DDX4: variants seen among roughly 807,000 people sequenced by gnomAD.
DDX4 encodes the protein DEAD-box helicase 4.
Under a neutral mutation model 100.0 loss-of-function variants are expected in DDX4, and 25 were observed. That is an observed-to-expected ratio of 0.25 (90% CI 0.18 to 0.35). DDX4 has a LOEUF of 0.35. Ranked by LOEUF, DDX4 falls within the 10% of genes least tolerant of loss-of-function variation. The pLI is 1.00. For synonymous variants in DDX4, 259 were observed against 275.7 expected (o/e 0.94, Z 0.60); for missense variants, 635 against 882.4 (o/e 0.72, Z 3.55).
chr5:55,813,802 G>T (rs747877110), intron 19 of DDX4, 30 bp downstream of exon 19: 2 of 1,534,560 alleles, frequency 1.3e-6, no homozygotes, highest in South Asian at 2.6e-5. Context: ...TACCTATTAG[G>T]GGAATGACTT....
intron 18 of DDX4, among the ~76,000 whole-genome samples, chr5:55,799,217 G>T (rs114083156): frequency 0.01 from 1,555 of 152,050 alleles, 34 homozygotes; most frequent in African/African-American, 0.036. Context: ...ATAGGCATGC[G>T]CTACCATGCC....
chr5:55,745,547 G>A (rs944591090), intron 2 of DDX4, among the ~76,000 whole-genome samples: 16 of 151,692 alleles, frequency 1.1e-4, no homozygotes, highest in East Asian at 5.8e-4. Context: ...TCAGCCTCCC[G>A]AGTAGCTGGG....
intron 7 of DDX4, among the ~76,000 whole-genome samples, chr5:55,775,304 TGAACATTCAC>T (rs1456543063): frequency 1.3e-5 from 2 of 152,242 alleles, no homozygotes; most frequent in East Asian, 3.8e-4. Flanking sequence ...AAGTCCGCTA[TGAACATTCAC>T]CTACAGTTAT....
intron 6 of DDX4, among the ~76,000 whole-genome samples, chr5:55,764,311 T>G (rs1409390313): frequency 6.6e-6 from 1 of 152,098 alleles, no homozygotes; most frequent in African/African-American, 2.4e-5. Flanking sequence ...GCTCTGAAAC[T>G]TAAGAAAATG....
intron 9 of DDX4, among the ~76,000 whole-genome samples, chr5:55,781,502 C>T (rs980111282): frequency 3.9e-5 from 6 of 152,092 alleles, no homozygotes; most frequent in Admixed American, 6.5e-5. Context: ...AGAGGCCGGG[C>T]GTGGTGGCTC....
At chr5:55,807,453 G>C (rs1743807108) in intron 18 of DDX4, among the ~76,000 whole-genome samples, 2 of 152,176 alleles carry the variant, frequency 1.3e-5, no homozygotes, top group South Asian at 4.1e-4. Flanking sequence ...TTTTGCAGTG[G>C]CTGGTACCGG....
intron 1 of DDX4, 101 bp from the exon 2 acceptor site, chr5:55,738,849 G>GTATGTGAAACAAT: frequency 1.3e-6 from 1 of 750,346 alleles, no homozygotes; most frequent in Non-Finnish European, 2.3e-6. Flanking sequence ...CACCTAGTTG[G>GTATGTGAAACAAT]GTAGTTTCAA....
intron 7 of DDX4, among the ~76,000 whole-genome samples, chr5:55,778,915 G>A (rs1015372957): frequency 6.0e-5 from 9 of 150,656 alleles, no homozygotes; most frequent in African/African-American, 1.7e-4. Context: ...AGATGTGGAA[G>A]ACGATAAGTT....
At chr5:55,771,913 TA>T (rs1417963517) in intron 7 of DDX4, among the ~76,000 whole-genome samples, 1 of 151,158 alleles carries the variant, frequency 6.6e-6, no homozygotes, top group Non-Finnish European at 1.5e-5. Context: ...ATTTAAAACT[TA>T]AAAGTTGCAA....
intron 7 of DDX4, among the ~76,000 whole-genome samples, chr5:55,768,869 C>CT (rs560583674): frequency 9.5e-4 from 144 of 152,280 alleles, no homozygotes; most frequent in African/African-American, 3.4e-3. Flanking sequence ...TTGCATTTCT[C>CT]TAACGATTAG....
Position 55,760,282 on chromosome 5 carries a change from G to T in DDX4, c.205+5G>T, listed in dbSNP as rs761960174. On this transcript the variant is annotated splice_donor_5th_base_variant and intron_variant, in intron 4 of 21. Coordinates refer to ENST00000505374, the MANE Select transcript of DDX4 (RefSeq NM_024415.3). ...GGCGGAATTTTGGAAACAGAGGTAA[G>T]CATCTTTGTCTTTCCTTAATCTCCT... 8 of 1,555,342 alleles carry T rather than the reference G, an allele frequency of 5.1e-6. No homozygotes were observed. In the South Asian group the frequency reaches 9.9e-5, roughly 19 times the overall value.
Position 55,806,232 on chromosome 5 carries a change from T to C in DDX4, c.1616-7441T>C, listed in dbSNP as rs557105352. The stretch of plus-strand genomic sequence containing the variant: ...TCTCTCTTTTCTTCTTTATTAGTCT[T>C]GCTAGCAGTCTGTCAATTTTGTTGA... On this transcript the variant is annotated intron_variant, in intron 18 of 21. Coordinates refer to ENST00000505374, the MANE Select transcript of DDX4 (RefSeq NM_024415.3). Among the ~76,000 whole-genome samples, 9 of 152,262 alleles carry C rather than the reference T, an allele frequency of 5.9e-5. No homozygotes were observed. In the South Asian group the frequency reaches 1.9e-3, roughly 32 times the overall value.
At chr5:55,798,358 A>G (rs374930667) in intron 17 of DDX4, 68 bp from the exon 18 acceptor site, 4 of 1,520,088 alleles carry the variant, frequency 2.6e-6, no homozygotes, top group East Asian at 4.6e-5. Flanking sequence ...ACCTACAGGA[A>G]TTCAGTGGAT....
intron 6 of DDX4, 33 bp downstream of exon 6, chr5:55,764,097 A>G (rs758131797): frequency 7.5e-6 from 11 of 1,475,604 alleles, no homozygotes. Context: ...TTAAAATTTA[A>G]TGTCAAGAGT....
intron 3 of DDX4, 84 bp from the exon 4 acceptor site, chr5:55,760,116 C>T: frequency 7.0e-7 from 1 of 1,437,834 alleles, no homozygotes. Flanking sequence ...TCTCCTTTGC[C>T]ACATGTGGCA....
intron 18 of DDX4, among the ~76,000 whole-genome samples, chr5:55,803,794 C>T (rs1743499188): frequency 6.6e-6 from 1 of 151,970 alleles, no homozygotes; most frequent in Non-Finnish European, 1.5e-5. Context: ...CATACGTGTG[C>T]ATGTGTCTTT....
chr5:55,809,362 G>A lies in DDX4; in HGVS notation c.1616-4311G>A, dbSNP rs962997911. On this transcript the variant is annotated intron_variant, in intron 18 of 21. Coordinates refer to ENST00000505374, the MANE Select transcript of DDX4 (RefSeq NM_024415.3). ...TGACACTCCCCAGTGAGATGAACCC[G>A]GCACCTCAGTTGGAAATGCAGAAAT... Among the ~76,000 whole-genome samples, 13 of 152,196 alleles carry A rather than the reference G, an allele frequency of 8.5e-5. No individual in the cohort carries two copies. In the East Asian group the frequency reaches 1.7e-3, roughly 20 times the overall value.
In DDX4 at chr5:55,812,375, C is replaced by CA. The variant is rs566314254; in HGVS notation, c.1616-1297dup. Among the ~76,000 whole-genome samples, 19 of 152,236 alleles carry CA rather than the reference C, an allele frequency of 1.2e-4. No homozygotes were observed. In the South Asian group the frequency reaches 1.9e-3, roughly 15 times the overall value. Reference sequence around the variant, plus strand: ...AGGAGATTGAGACCATCCTGGCTAACACGGTGAAACCCCGTCTCTACTAAA... The same window carrying CA: ...AGGAGATTGAGACCATCCTGGCTAACAACGGTGAAACCCCGTCTCTACTAAA... On this transcript the variant is annotated intron_variant, in intron 18 of 21. Transcript: ENST00000505374.
rs141639843 is a variant in DDX4, at chr5:55,796,074, C to T, written c.1470-2352C>T. Among the ~76,000 whole-genome samples, 113 of 152,294 alleles carry T rather than the reference C, an allele frequency of 7.4e-4. No homozygotes were observed. The East Asian group carries it at 0.015, about 20-fold the overall frequency. On this transcript the variant is annotated intron_variant, in intron 17 of 21. Coordinates refer to ENST00000505374, the MANE Select transcript of DDX4 (RefSeq NM_024415.3). ...CAAGGGTAGTAGGAGCAGAAGCAAG[C>T]ATCCAACATGGGAAGAAGAAAGAGA... is the stretch of plus-strand genomic sequence containing the variant.
Sources: gnomAD v4.1 joint callset for allele counts (sites outside exome capture counted in the v4.1 genomes callset) on GRCh38, gnomAD v4.1.1 for gene constraint, MANE v1.5 for transcripts, NCBI Gene and HGNC (gene_info 2026-07-23, HGNC 2026-07-21) for gene names.